The following NF1 variants were observed in gnomAD, a reference collection of about 807,000 sequenced individuals.
NF1 encodes the protein neurofibromin.
Under a neutral mutation model 325.7 loss-of-function variants are expected in NF1, and 122 were observed. The ratio of observed to expected loss-of-function variants is 0.37; its 90% CI spans 0.32 to 0.44. The LOEUF is 0.44. Ranked by LOEUF, NF1 falls within the 20% of genes least tolerant of loss-of-function variation. NF1 has a pLI of 1.00. For missense variants in NF1, 2,140 were observed against 3,415.4 expected, an observed-to-expected ratio of 0.63 and a Z score of 9.31; for synonymous variants, 1,091 against 1,186.0, an observed-to-expected ratio of 0.92 and a Z score of 1.65.
At chr17:31,276,846 G>A (rs977536161) in intron 36 of NF1, among the ~76,000 whole-genome samples, 8 of 152,008 alleles carry the variant, frequency 5.3e-5, no homozygotes, top group Non-Finnish European at 1.0e-4. Flanking sequence ...ATGTACAATC[G>A]ACCCTTGAAC....
rs587781936 is a variant in NF1 at position 31,229,946 on chromosome 17, A to G, written c.2962A>G (p.Ile988Val). The G allele has an allele frequency of 6.2e-7, 1 of 1,611,838 alleles. No individual in the cohort carries two copies. The highest frequency in any genetic ancestry group is 8.5e-7 in the Non-Finnish European group (1 of 1,179,724). ...GSSEHLGQAS[I>V]ETMMLNLVRY... ...CTCTGAACATCTAGGGCAAGCTAGC[A>G]TTGAAACAATGATGTTAAATCTGGT... is the stretch of plus-strand genomic sequence containing the variant. Residue 988 changes from isoleucine to valine, a missense_variant, in exon 22 of 58, where the codon ATT becomes GTT. Physicochemically the swap from Ile to Val is conservative, Grantham distance 29. This residue lies in a region of NF1 where 380 missense variants were observed against 639.3 expected (regional missense o/e 0.59). Coordinates refer to ENST00000358273, the MANE Select transcript of NF1 (RefSeq NM_001042492.3).
chr17:31,373,893 C>CA (rs141953840), intron 57 of NF1, 120 bp from the exon 58 acceptor site: 10 of 1,267,898 alleles, frequency 7.9e-6, no homozygotes, highest in Non-Finnish European at 5.6e-6. Context: ...TTTGCACAGA[C>CA]AAAATCGCCT....
In NF1 at chr17:31,336,700, A is replaced by G. The variant is rs1060503910; in HGVS notation, c.6213A>G (p.Gln2071=). Residue 2071 remains glutamine (Q), a synonymous_variant, in exon 42 of 58, where the codon CAA becomes CAG. Coordinates refer to ENST00000358273, the MANE Select transcript of NF1 (RefSeq NM_001042492.3). This position sits in a 1 kb window ranked among gnomAD's most constrained non-coding sequence, Gnocchi z 5.5. ...TATCTCCAACTCCTACTTTAGAACA[A>G]CATCTTATGTGGGATGATATTGCTA... ...TCLSPTPTLE[Q]HLMWDDIAIL... is the part of the protein sequence containing the mutation. 1 of 1,614,008 alleles carries G rather than the reference A, an allele frequency of 6.2e-7. No homozygotes were observed. Among genetic ancestry groups the G allele is most frequent in the Non-Finnish European group, 8.5e-7 (1 of 1,179,988 alleles).
chr17:31,296,285 A>G (rs1214310582), intron 36 of NF1: 1 of 1,614,074 alleles, frequency 6.2e-7, no homozygotes, highest in East Asian at 2.2e-5. Context: ...TGTGAGAAAC[A>G]GAAGGATGAA....
intron 46 of NF1, among the ~76,000 whole-genome samples, chr17:31,339,464 G>A (rs2069763774): frequency 6.6e-6 from 1 of 152,190 alleles, no homozygotes; most frequent in Non-Finnish European, 1.5e-5. Context: ...TTACCATCCA[G>A]TTCTAAAGTG....
intron 36 of NF1, among the ~76,000 whole-genome samples, chr17:31,302,957 AG>A (rs1401730407): frequency 6.6e-6 from 1 of 152,218 alleles, no homozygotes; most frequent in Non-Finnish European, 1.5e-5. Flanking sequence ...AAGAAGCTCA[AG>A]GAAGTGTTTC....
intron 11 of NF1, among the ~76,000 whole-genome samples, chr17:31,202,801 T>TA (rs1382510224): frequency 1.3e-5 from 2 of 151,978 alleles, no homozygotes; most frequent in Non-Finnish European, 2.9e-5. Flanking sequence ...ATTAAAAACT[T>TA]AAAAAAAATC....
In NF1 at chr17:31,197,622, GA is replaced by G. The variant is rs2066457467; in HGVS notation, c.889-2797del. On this transcript the variant is annotated intron_variant, in intron 8 of 57. Transcript: ENST00000358273. Reference sequence around the variant, plus strand: ...TTGTATTTTTCATTGCTAATGTATAGAAATCCAGCTGATTTTTGTGTGCTGA... The same window carrying G: ...TTGTATTTTTCATTGCTAATGTATAGAATCCAGCTGATTTTTGTGTGCTGA... Among the ~76,000 whole-genome samples, 5 of 152,100 alleles carry G rather than the reference GA, an allele frequency of 3.3e-5. No individual in the cohort carries two copies. The East Asian group carries it at 9.7e-4, about 29-fold the overall frequency.
intron 1 of NF1, among the ~76,000 whole-genome samples, chr17:31,151,140 A>G (rs1916915422): frequency 6.6e-6 from 1 of 152,232 alleles, no homozygotes; most frequent in Non-Finnish European, 1.5e-5. Flanking sequence ...GTATTATAAT[A>G]TGGTATCATT....
At chr17:31,095,910 G>A (rs1177904120) in intron 1 of NF1, among the ~76,000 whole-genome samples, 3 of 151,996 alleles carry the variant, frequency 2.0e-5, no homozygotes, top group Admixed American at 2.0e-4. Context: ...AGGGGGAAGA[G>A]CAGAAGAAAG....
chr17:31,244,934 G>A (rs1240126315), intron 29 of NF1, among the ~76,000 whole-genome samples: 1 of 152,080 alleles, frequency 6.6e-6, no homozygotes, highest in Non-Finnish European at 1.5e-5. Flanking sequence ...AAATCAACTT[G>A]GGAAAAGTTT....
chr17:31,302,651 C>A (rs1418088157), intron 36 of NF1, among the ~76,000 whole-genome samples: 1 of 151,700 alleles, frequency 6.6e-6, no homozygotes, highest in African/African-American at 2.4e-5. Flanking sequence ...ACCAGCCTGG[C>A]CAATATGGTG....
At chr17:31,304,849 A>C in intron 36 of NF1, 12 of 1,614,102 alleles carry the variant, frequency 7.4e-6, no homozygotes, top group East Asian at 2.2e-5. Flanking sequence ...GATGTTATCC[A>C]TACAAATGTC....
At chr17:31,348,860 T>A (rs2525568) in intron 48 of NF1, among the ~76,000 whole-genome samples, 2 of 151,846 alleles carry the variant, frequency 1.3e-5, no homozygotes, top group African/African-American at 2.4e-5. Context: ...ATCATGTTTT[T>A]TAATTTTCCT....
Position 31,308,355 on chromosome 17 carries a change from G to A in NF1, c.4836-17465G>A, listed in dbSNP as rs144270481. Among the ~76,000 whole-genome samples the A allele has an allele frequency of 4.6e-3, 702 of 152,102 alleles. 6 individuals carry two copies. The highest frequency in any genetic ancestry group is 0.016 in the African/African-American group (666 of 41,476). The stretch of plus-strand genomic sequence containing the variant: ...AGGGTTTCACCATGTTGTCCAGACC[G>A]GTCTCGAACTCCTGACCTCAAGTGA... On this transcript the variant is annotated intron_variant, in intron 36 of 57. Transcript: ENST00000358273.
At chr17:31,268,403 C>T (rs2067828030) in intron 36 of NF1, among the ~76,000 whole-genome samples, 1 of 151,756 alleles carries the variant, frequency 6.6e-6, no homozygotes, top group Non-Finnish European at 1.5e-5. Flanking sequence ...CTGAGGCGGG[C>T]AGATCATGAG....
chr17:31,136,991 A>G (rs931832949), intron 1 of NF1: 3 of 152,136 alleles, frequency 2.0e-5, no homozygotes, highest in African/African-American at 7.2e-5. Flanking sequence ...CTGGACAGTT[A>G]TGTTTCCCTC....
chr17:31,300,797 C>A (rs2068557468), intron 36 of NF1, among the ~76,000 whole-genome samples: 1 of 152,074 alleles, frequency 6.6e-6, no homozygotes, highest in Non-Finnish European at 1.5e-5. Context: ...TTCTATACAG[C>A]CTCACTGTAT....
rs2070719629 is a variant in NF1 at position 31,375,552 on chromosome 17, A to T, written c.*1397A>T. The T allele has an allele frequency of 4.3e-6, 1 of 232,120 alleles. No individual in the cohort carries two copies. Among genetic ancestry groups the T allele is most frequent in the South Asian group, 1.8e-4 (1 of 5,524 alleles). 14.4% of individuals were successfully genotyped at this position (232,120 alleles called of 1,614,324 possible). The stretch of plus-strand genomic sequence containing the variant: ...TCTGGATGTTCCAATTTAGAACTAA[A>T]CCATATTTATTACAAAAAGATATTA... On this transcript the variant is annotated 3_prime_UTR_variant, in exon 58 of 58. Coordinates refer to ENST00000358273, the MANE Select transcript of NF1 (RefSeq NM_001042492.3).
Sources: gnomAD v4.1 joint callset for allele counts (sites outside exome capture counted in the v4.1 genomes callset) on GRCh38, gnomAD v4.1.1 for gene constraint, gnomAD v4.1.1 regional missense constraint, Gnocchi (gnomAD v3.1) non-coding constraint, MANE v1.5 for transcripts, NCBI Gene and HGNC (gene_info 2026-07-23, HGNC 2026-07-21) for gene names.